The following MIPEP variants were observed in gnomAD, a reference collection of about 807,000 sequenced individuals.
MIPEP encodes the protein mitochondrial intermediate peptidase.
MIPEP carries 79 observed loss-of-function variants against 90.3 expected under a neutral mutation model. The ratio of observed to expected loss-of-function variants is 0.87; its 90% CI spans 0.73 to 1.05. MIPEP has a LOEUF of 1.05. Ranked by LOEUF, MIPEP falls within the 50% of genes least tolerant of loss-of-function variation. The probability of loss-of-function intolerance (pLI) is 0.00; values close to 1 mark genes in which losing one functional copy is unlikely to be tolerated. For missense variants in MIPEP, 940 were observed against 905.6 expected, an observed-to-expected ratio of 1.04 and a Z score of -0.49; for synonymous variants, 334 against 315.8, an observed-to-expected ratio of 1.06 and a Z score of -0.61.
chr13:23,878,357 G>A (rs1871151009), intron 4 of MIPEP, among the ~76,000 whole-genome samples: 1 of 152,118 alleles, frequency 6.6e-6, no homozygotes, highest in Non-Finnish European at 1.5e-5. Context: ...ACCCCTCAAA[G>A]ACTGAGTTAC....
At chr13:23,756,415 C>T in intron 18 of MIPEP, 130 bp downstream of exon 18, 1 of 952,612 alleles carries the variant, frequency 1.0e-6, no homozygotes, top group Non-Finnish European at 1.6e-6. Context: ...TTGGGGCCTC[C>T]CAAAGTGCTG....
chr13:23,800,160 T>G (rs1401748991), intron 16 of MIPEP, among the ~76,000 whole-genome samples: 1 of 152,004 alleles, frequency 6.6e-6, no homozygotes, highest in Non-Finnish European at 1.5e-5. Flanking sequence ...AAACCTAGAG[T>G]CAGCTGTTCA....
intron 16 of MIPEP, among the ~76,000 whole-genome samples, chr13:23,802,867 G>C (rs1481968183): frequency 6.6e-6 from 1 of 152,158 alleles, no homozygotes; most frequent in African/African-American, 2.4e-5. Flanking sequence ...TGTTAGATGA[G>C]TTTGCCCAAC....
intron 14 of MIPEP, among the ~76,000 whole-genome samples, chr13:23,816,119 T>C (rs1014432380): frequency 6.6e-6 from 1 of 152,202 alleles, no homozygotes; most frequent in Non-Finnish European, 1.5e-5. Context: ...GACAACAATG[T>C]ATCCAGGTAT....
At position 23,756,590 on chromosome 13, in the gene MIPEP, T is replaced by C. The variant is rs780242134; in HGVS notation, c.1999A>G (p.Met667Val). 1 of 1,613,834 alleles carries C rather than the reference T, an allele frequency of 6.2e-7. No homozygotes were observed. The highest frequency in any genetic ancestry group is 8.5e-7 in the Non-Finnish European group (1 of 1,180,036). The change falls in exon 18 of 19, where the codon ATG (methionine) becomes GTG (valine). Residue 667 changes from methionine (M) to valine (V), a missense_variant. Transcript: ENST00000382172. ...RAAGERYRRE[M>V]LAHGGGREPM... The stretch of plus-strand genomic sequence containing the variant: ...TCCCTGCCTCCACCGTGGGCCAGCA[T>C]CTCCCTGCGATAGCGCTCCCCGGCA...
chr13:23,740,787 T>C lies in MIPEP; in HGVS notation c.2045-10342A>G, dbSNP rs528244617. On this transcript the variant is annotated intron_variant, in intron 18 of 18. Coordinates refer to ENST00000382172, the MANE Select transcript of MIPEP (RefSeq NM_005932.4). ...ACAGTGTCTCACTGCCACCAAGCCC[T>C]GTCAGGTGTGGCAGGAGGTGTGAGG... is the stretch of plus-strand genomic sequence containing the variant. Among the ~76,000 whole-genome samples, 7 of 152,354 alleles carry C rather than the reference T, an allele frequency of 4.6e-5. No homozygotes were observed. The East Asian group carries it at 9.6e-4, about 21-fold the overall frequency.
At chr13:23,886,535 T>C in intron 1 of MIPEP, 29 bp from the exon 2 acceptor site, 1 of 1,497,432 alleles carries the variant, frequency 6.7e-7, no homozygotes, top group South Asian at 1.3e-5. Context: ...GTCTGATTTA[T>C]AACCAAAATT....
At chr13:23,816,105 G>A (rs565597683) in intron 14 of MIPEP, among the ~76,000 whole-genome samples, 7 of 152,212 alleles carry the variant, frequency 4.6e-5, no homozygotes, top group Admixed American at 1.3e-4. Context: ...GTTTCCAGCC[G>A]TTTGACAACA....
intron 14 of MIPEP, among the ~76,000 whole-genome samples, chr13:23,825,533 G>A (rs1868410185): frequency 6.6e-6 from 1 of 152,186 alleles, no homozygotes; most frequent in South Asian, 2.1e-4. Flanking sequence ...ACTTAAAGTA[G>A]ATATGGGGCT....
intron 16 of MIPEP, among the ~76,000 whole-genome samples, chr13:23,775,287 A>G (rs1196254148): frequency 6.6e-6 from 1 of 152,234 alleles, no homozygotes; most frequent in Non-Finnish European, 1.5e-5. Context: ...CACCAGTACA[A>G]TATTGAATAG....
At chr13:23,764,755 GTCTC>G (rs985428498) in intron 16 of MIPEP, among the ~76,000 whole-genome samples, 10 of 152,084 alleles carry the variant, frequency 6.6e-5, no homozygotes, top group Non-Finnish European at 8.8e-5. Context: ...AGAGATGAGG[GTCTC>G]TCTCTGTTTC....
rs986950370 is a variant in MIPEP at position 23,821,620 on chromosome 13, G to A, written c.1654-11696C>T. ...GAATCTCACCTGATCCTGCTACCTG[G>A]AACCAGAAAAGGAATGTACAACCTG... On this transcript the variant is annotated intron_variant, in intron 14 of 18. Transcript: ENST00000382172. Among the ~76,000 whole-genome samples the A allele has an allele frequency of 2.0e-5, 3 of 152,124 alleles. No individual in the cohort carries two copies. In the East Asian group the frequency reaches 5.8e-4, roughly 29 times the overall value.
intron 18 of MIPEP, among the ~76,000 whole-genome samples, chr13:23,748,107 C>T (rs1037034407): frequency 3.9e-5 from 6 of 152,072 alleles, no homozygotes; most frequent in Non-Finnish European, 5.9e-5. Context: ...GTGGTGTGAT[C>T]TTGGCTCACT....
chr13:23,774,784 CTTTTTTTTTTTTTT>C (rs67628137), intron 16 of MIPEP, among the ~76,000 whole-genome samples: 8 of 68,250 alleles, frequency 1.2e-4, no homozygotes, highest in Non-Finnish European at 1.8e-4. Context: ...TTTATCAGTT[CTTTTTTTTTTTTTT>C]TTTTTTTTTT....
chr13:23,842,927 G>A (rs1291628477), intron 10 of MIPEP, among the ~76,000 whole-genome samples: 5 of 151,782 alleles, frequency 3.3e-5, no homozygotes, highest in African/African-American at 4.8e-5. Context: ...GTGAAACCCC[G>A]TCTCTACTAA....
At chr13:23,841,798 C>T (rs1869310359) in intron 10 of MIPEP, among the ~76,000 whole-genome samples, 3 of 152,134 alleles carry the variant, frequency 2.0e-5, no homozygotes, top group East Asian at 1.9e-4. Flanking sequence ...GTATACATTC[C>T]TTATACATAC....
chr13:23,786,097 C>CA (rs1453248074), intron 16 of MIPEP, among the ~76,000 whole-genome samples: 3 of 152,024 alleles, frequency 2.0e-5, no homozygotes, highest in Admixed American at 2.0e-4. Flanking sequence ...CATGGTGGCA[C>CA]ATGCCTGTAG....
At chr13:23,809,485 T>C (rs1290704491) in intron 15 of MIPEP, among the ~76,000 whole-genome samples, 4 of 151,968 alleles carry the variant, frequency 2.6e-5, no homozygotes, top group African/African-American at 9.7e-5. Flanking sequence ...GCTGGGATTA[T>C]AAGCATGCAC....
chr13:23,834,204 C>A (rs1868914196), intron 14 of MIPEP, among the ~76,000 whole-genome samples: 1 of 152,158 alleles, frequency 6.6e-6, no homozygotes. Context: ...CTATCCGCAC[C>A]CCCTGCGATC....
Sources: gnomAD v4.1 joint callset for allele counts (sites outside exome capture counted in the v4.1 genomes callset) on GRCh38, gnomAD v4.1.1 for gene constraint, MANE v1.5 for transcripts, NCBI Gene and HGNC (gene_info 2026-07-23, HGNC 2026-07-21) for gene names.